The following ERBB4 variants were observed in gnomAD, a reference collection of about 807,000 sequenced individuals.
The protein encoded by ERBB4 is erb-b2 receptor tyrosine kinase 4.
A neutral mutation model predicts 158.0 loss-of-function variants in ERBB4; 42 were observed. That is an observed-to-expected ratio of 0.27 (90% CI 0.21 to 0.34). The LOEUF is 0.34. Among genes scored for constraint, ERBB4 ranks in the 10% least tolerant of loss-of-function variants. The pLI is 1.00. For missense variants in ERBB4, 1,333 were observed against 1,624.1 expected (o/e 0.82, Z 3.08); for synonymous variants, 583 against 558.7 (o/e 1.04, Z -0.61).
At chr2:211,478,741 A>T (rs887431620) in intron 20 of ERBB4, among the ~76,000 whole-genome samples, 7 of 151,938 alleles carry the variant, frequency 4.6e-5, no homozygotes, top group Admixed American at 1.3e-4. Context: ...TCACAGCACC[A>T]TCTTACCTCT....
intron 7 of ERBB4, among the ~76,000 whole-genome samples, chr2:211,714,800 T>C: frequency 6.6e-6 from 1 of 152,152 alleles, no homozygotes; most frequent in East Asian, 1.9e-4. Flanking sequence ...CCAAGAGCAT[T>C]CCATTGTAAA....
intron 1 of ERBB4, among the ~76,000 whole-genome samples, chr2:212,441,659 G>C (rs2092256331): frequency 6.6e-6 from 1 of 152,040 alleles, no homozygotes; most frequent in Non-Finnish European, 1.5e-5. Context: ...CACTAAATAG[G>C]GGCTCTGCTT....
chr2:211,679,016 C>T (rs1170442063), intron 13 of ERBB4, 36 bp downstream of exon 13: 1 of 1,387,722 alleles, frequency 7.2e-7, no homozygotes, highest in Non-Finnish European at 1.0e-6. Flanking sequence ...TCCTTCAAAG[C>T]TCATGAGGTG....
At chr2:212,401,569 C>T (rs1245790371) in intron 1 of ERBB4, among the ~76,000 whole-genome samples, 1 of 151,968 alleles carries the variant, frequency 6.6e-6, no homozygotes, top group Non-Finnish European at 1.5e-5. Flanking sequence ...AATGACTGAA[C>T]ATACACCAAA....
At chr2:211,675,220 G>GC (rs1553607727) in intron 13 of ERBB4, among the ~76,000 whole-genome samples, 1 of 152,028 alleles carries the variant, frequency 6.6e-6, no homozygotes, top group Non-Finnish European at 1.5e-5. Context: ...AGGGAGCTTT[G>GC]TTCCCTTGGT....
intron 20 of ERBB4, among the ~76,000 whole-genome samples, chr2:211,524,899 G>A (rs563363440): frequency 1.6e-4 from 25 of 152,310 alleles, no homozygotes; most frequent in Admixed American, 1.0e-3. Context: ...CGCTGAGAGC[G>A]AGCGAGGGCT....
chr2:212,010,263 C>T (rs1207093595), intron 2 of ERBB4, among the ~76,000 whole-genome samples: 1 of 152,116 alleles, frequency 6.6e-6, no homozygotes, highest in Non-Finnish European at 1.5e-5. Flanking sequence ...CCTTTTAACC[C>T]TCAAAAACTA....
intron 20 of ERBB4, among the ~76,000 whole-genome samples, chr2:211,465,945 T>C (rs2064675079): frequency 6.6e-6 from 1 of 152,178 alleles, no homozygotes; most frequent in Admixed American, 6.6e-5. Context: ...TAATCGGTGC[T>C]GAAGCTAAGT....
chr2:211,537,293 A>T (rs1054166933), intron 20 of ERBB4, among the ~76,000 whole-genome samples: 1 of 148,130 alleles, frequency 6.8e-6, no homozygotes, highest in Admixed American at 6.8e-5. Context: ...TGAATAAAAT[A>T]TGCAATTGCT....
At chr2:212,187,822 T>G (rs2082060372) in intron 1 of ERBB4, among the ~76,000 whole-genome samples, 1 of 152,094 alleles carries the variant, frequency 6.6e-6, no homozygotes, top group Admixed American at 6.6e-5. Flanking sequence ...TGAGTGATCT[T>G]CAAAGTGAAA....
chr2:211,918,417 T>C (rs1358372035), intron 3 of ERBB4, among the ~76,000 whole-genome samples: 1 of 152,172 alleles, frequency 6.6e-6, no homozygotes, highest in Non-Finnish European at 1.5e-5. Context: ...AACTGGTCTG[T>C]AACCTTCTAC....
At chr2:212,396,297 C>G (rs761693915) in intron 1 of ERBB4, among the ~76,000 whole-genome samples, 1 of 152,062 alleles carries the variant, frequency 6.6e-6, no homozygotes, top group Non-Finnish European at 1.5e-5. Context: ...CAGAGATGAT[C>G]CTCTACAGTT....
chr2:211,983,608 C>G (rs1354397563), intron 2 of ERBB4, among the ~76,000 whole-genome samples: 1 of 152,118 alleles, frequency 6.6e-6, no homozygotes, highest in Admixed American at 6.5e-5. Flanking sequence ...TTTGTACTAC[C>G]TATCAATCTA....
At position 211,447,239 on chromosome 2, in the gene ERBB4, C is replaced by A. The variant is rs2064133103; in HGVS notation, c.2488-16139G>T. On this transcript the variant is annotated intron_variant, in intron 20 of 27. Transcript: ENST00000342788. ...AAAAACATCTAATGCAAATTTAATA[C>A]TTTATCTTTTATGACAAGACTTAGC... Among the ~76,000 whole-genome samples, 3 of 142,684 alleles carry A rather than the reference C, an allele frequency of 2.1e-5. No individual in the cohort carries two copies. The South Asian group carries it at 6.5e-4, about 31-fold the overall frequency. 93.6% of individuals were successfully genotyped at this position (142,684 alleles called of 152,430 possible).
chr2:211,881,353 A>AT (rs1374962291), intron 3 of ERBB4, among the ~76,000 whole-genome samples: 3 of 152,106 alleles, frequency 2.0e-5, no homozygotes. Context: ...CCAAGAAATT[A>AT]TTTTTTTGCT....
At chr2:211,558,766 G>C (rs1425195731) in intron 20 of ERBB4, among the ~76,000 whole-genome samples, 1 of 146,876 alleles carries the variant, frequency 6.8e-6, no homozygotes, top group Non-Finnish European at 1.5e-5. Flanking sequence ...TCCCGAAGTA[G>C]AAAAAAAAAA....
At chr2:211,577,917 C>G (rs1311629254) in intron 19 of ERBB4, among the ~76,000 whole-genome samples, 1 of 152,152 alleles carries the variant, frequency 6.6e-6, no homozygotes, top group Non-Finnish European at 1.5e-5. Context: ...AGGATGCCCT[C>G]TCTCATCATT....
intron 19 of ERBB4, among the ~76,000 whole-genome samples, chr2:211,592,583 T>C (rs1272351593): frequency 1.3e-5 from 2 of 152,128 alleles, no homozygotes; most frequent in Non-Finnish European, 2.9e-5. Flanking sequence ...CAAAGAGGAT[T>C]TCAAGGTTCC....
chr2:212,354,953 A>T lies in ERBB4; in HGVS notation c.82+183496T>A, dbSNP rs1411891067. ...TAGGCTTATGAGTGCTACAATGTTA[A>T]ATAAGGCCCAAGTCCCTGTCCTGAG... On this transcript the variant is annotated intron_variant, in intron 1 of 27. Coordinates refer to ENST00000342788, the MANE Select transcript of ERBB4 (RefSeq NM_005235.3). Among the ~76,000 whole-genome samples the T allele has an allele frequency of 1.1e-4, 16 of 152,000 alleles. No individual in the cohort carries two copies. In the East Asian group the frequency reaches 3.1e-3, roughly 29 times the overall value.
Sources: gnomAD v4.1 joint callset for allele counts (sites outside exome capture counted in the v4.1 genomes callset) on GRCh38, gnomAD v4.1.1 for gene constraint, MANE v1.5 for transcripts, NCBI Gene and HGNC (gene_info 2026-07-23, HGNC 2026-07-21) for gene names.